Variants in ARMC8 observed in about 807,000 individuals in gnomAD.
The protein encoded by ARMC8 is armadillo repeat containing 8.
Under a neutral mutation model 99.3 loss-of-function variants are expected in ARMC8, and 20 were observed. The ratio of observed to expected loss-of-function variants is 0.20; its 90% CI spans 0.14 to 0.29. The LOEUF (loss-of-function observed/expected upper bound fraction) is 0.29. ARMC8 is among the 10% of genes least tolerant of loss of function. The probability of loss-of-function intolerance (pLI) is 1.00; values close to 1 mark genes in which losing one functional copy is unlikely to be tolerated. For synonymous variants in ARMC8, 263 were observed against 278.3 expected, an observed-to-expected ratio of 0.95 and a Z score of 0.55; for missense variants, 569 against 809.5, an observed-to-expected ratio of 0.70 and a Z score of 3.60.
chr3:138,194,901 C>T (rs2043625507), intron 1 of ARMC8, among the ~76,000 whole-genome samples: 1 of 152,080 alleles, frequency 6.6e-6, no homozygotes, highest in Non-Finnish European at 1.5e-5. Context: ...AAAATCTGTA[C>T]AGCACATTTT....
At position 138,256,192 on chromosome 3, in the gene ARMC8, T is replaced by C. The variant is rs866921834; in HGVS notation, c.1135-7547T>C. Among the ~76,000 whole-genome samples the C allele has an allele frequency of 3.0e-4, 45 of 152,300 alleles. 1 individual carries two copies. The highest frequency in any genetic ancestry group is 1.0e-3 in the African/African-American group (43 of 41,564). On this transcript the variant is annotated intron_variant, in intron 12 of 21. Coordinates refer to ENST00000469044, the MANE Select transcript of ARMC8 (RefSeq NM_001363941.2). ...TTAGTTCCATTTGGTTACTATCTGC[T>C]AAAGCTAGATCCTCATTCTAAAATG...
chr3:138,283,131 C>G (rs1484687004), intron 18 of ARMC8, among the ~76,000 whole-genome samples: 1 of 152,204 alleles, frequency 6.6e-6, no homozygotes, highest in Non-Finnish European at 1.5e-5. Context: ...TACTGTGTCT[C>G]AGAGGCAGCC....
chr3:138,187,431 C>A lies in ARMC8; in HGVS notation c.-124C>A. 1 of 935,034 alleles carries A rather than the reference C, an allele frequency of 1.1e-6. No individual in the cohort carries two copies. The highest frequency in any genetic ancestry group is 1.6e-6 in the Non-Finnish European group (1 of 614,434). The allele number at this position is 935,034 out of a possible 1,614,324, so 57.9% of individuals were successfully genotyped here. On this transcript the variant is annotated 5_prime_UTR_variant, in exon 1 of 22. Coordinates refer to ENST00000469044, the MANE Select transcript of ARMC8 (RefSeq NM_001363941.2). ...TCCGGTACTTGAGCGGTGTCCAGAG[C>A]GTGGCCAGTTCTCGTCTATCTGGCT...
intron 6 of ARMC8, 125 bp from the exon 7 acceptor site, chr3:138,234,909 T>G: frequency 1.4e-6 from 1 of 717,342 alleles, no homozygotes. Flanking sequence ...TTGAGTTTAT[T>G]TAAGCAAAGA....
chr3:138,246,087 C>T (rs1347636609), intron 12 of ARMC8: 1 of 985,070 alleles, frequency 1.0e-6, no homozygotes, highest in African/African-American at 1.7e-5. Context: ...TAGAGTTTAC[C>T]ATGATTCAGA....
chr3:138,190,758 T>C (rs1447117367), intron 1 of ARMC8, among the ~76,000 whole-genome samples: 2 of 152,254 alleles, frequency 1.3e-5, no homozygotes, highest in Non-Finnish European at 2.9e-5. Context: ...TTTGAGCTTC[T>C]GCCATTTGCT....
At position 138,233,202 on chromosome 3, in the gene ARMC8, A is replaced by G. The variant is rs1046704626; in HGVS notation, c.529-1832A>G. Among the ~76,000 whole-genome samples, 11 of 152,212 alleles carry G rather than the reference A, an allele frequency of 7.2e-5. 1 individual carries two copies. Among genetic ancestry groups the G allele is most frequent in the Admixed American group, 5.2e-4 (8 of 15,278 alleles). On this transcript the variant is annotated intron_variant, in intron 6 of 21. Coordinates refer to ENST00000469044, the MANE Select transcript of ARMC8 (RefSeq NM_001363941.2). The stretch of plus-strand genomic sequence containing the variant: ...ATCCAGTATCCAGTAAGTAGTACCT[A>G]TGCTTATAACTGCAGATGATGCATG...
chr3:138,277,431 G>A (rs1384163134), intron 18 of ARMC8, among the ~76,000 whole-genome samples: 1 of 152,190 alleles, frequency 6.6e-6, no homozygotes, highest in Non-Finnish European at 1.5e-5. Context: ...CTTCTGCGTC[G>A]TGAAATGCAC....
chr3:138,217,005 G>C (rs905991402), intron 2 of ARMC8, among the ~76,000 whole-genome samples: 2 of 152,084 alleles, frequency 1.3e-5, no homozygotes, highest in Non-Finnish European at 2.9e-5. Context: ...ACCTACCATT[G>C]TGTTACAGTT....
chr3:138,269,019 C>T (rs940810646), intron 15 of ARMC8, among the ~76,000 whole-genome samples: 12 of 152,144 alleles, frequency 7.9e-5, no homozygotes, highest in South Asian at 2.1e-4. Context: ...GCATGATGTA[C>T]GCATCCTACT....
At chr3:138,210,240 AG>A (rs1454781482) in intron 2 of ARMC8, among the ~76,000 whole-genome samples, 16 of 152,202 alleles carry the variant, frequency 1.1e-4, no homozygotes, top group Non-Finnish European at 2.9e-5. Context: ...ATAGACCAGT[AG>A]GGTTTTTTGT....
In ARMC8 at chr3:138,206,390, G is replaced by A. The variant is rs114564643; in HGVS notation, c.46-3427G>A. On this transcript the variant is annotated intron_variant, in intron 1 of 21. Coordinates refer to ENST00000469044, the MANE Select transcript of ARMC8 (RefSeq NM_001363941.2). ...ACAGTGCAGCTCTTTACCATCTGGC[G>A]CCTGTTCTCTGCCTCATCTCCTGCT... Among the ~76,000 whole-genome samples the A allele has an allele frequency of 9.2e-3, 1,405 of 152,218 alleles. 26 individuals carry two copies. The highest frequency in any genetic ancestry group is 0.033 in the African/African-American group (1,362 of 41,516).
At chr3:138,256,316 C>T (rs1180093802) in intron 12 of ARMC8, among the ~76,000 whole-genome samples, 1 of 151,716 alleles carries the variant, frequency 6.6e-6, no homozygotes, top group Non-Finnish European at 1.5e-5. Flanking sequence ...TGAGCTTTGC[C>T]ATTTGTACCC....
intron 12 of ARMC8, chr3:138,262,647 A>G: frequency 1.3e-6 from 2 of 1,489,328 alleles, no homozygotes; most frequent in South Asian, 1.3e-5. Context: ...GGAGAATCTA[A>G]TTTAATTGGT....
At chr3:138,193,739 A>G (rs577116152) in intron 1 of ARMC8, among the ~76,000 whole-genome samples, 2 of 152,270 alleles carry the variant, frequency 1.3e-5, no homozygotes, top group Non-Finnish European at 2.9e-5. Context: ...TTATCATAAA[A>G]TAAAACTTTT....
intron 12 of ARMC8, chr3:138,262,681 A>T (rs1560008512): frequency 2.4e-6 from 3 of 1,235,442 alleles, no homozygotes; most frequent in Non-Finnish European, 1.1e-6. Context: ...TGGACATAGG[A>T]TTAAAAAAAA....
chr3:138,263,260 A>G (rs2047931151), intron 12 of ARMC8, among the ~76,000 whole-genome samples: 1 of 152,254 alleles, frequency 6.6e-6, no homozygotes, highest in African/African-American at 2.4e-5. Context: ...AAAGATGGCA[A>G]GGGTTACTTT....
chr3:138,212,279 A>G (rs1400872319), intron 2 of ARMC8, among the ~76,000 whole-genome samples: 1 of 150,616 alleles, frequency 6.6e-6, no homozygotes, highest in African/African-American at 2.4e-5. Flanking sequence ...AAAGTGGATT[A>G]CTTTCAACAT....
At chr3:138,275,010 ACTTC>A (rs2049142477) in intron 18 of ARMC8, among the ~76,000 whole-genome samples, 1 of 152,072 alleles carries the variant, frequency 6.6e-6, no homozygotes, top group African/African-American at 2.4e-5. Context: ...CCATAACCCT[ACTTC>A]CATTAAGTTT....
Sources: gnomAD v4.1 joint callset for allele counts (sites outside exome capture counted in the v4.1 genomes callset) on GRCh38, gnomAD v4.1.1 for gene constraint, MANE v1.5 for transcripts, NCBI Gene and HGNC (gene_info 2026-07-23, HGNC 2026-07-21) for gene names.